The following WBP2NL variants were observed in gnomAD, a reference collection of about 807,000 sequenced individuals.
WBP2NL encodes postacrosomal sheath WW domain-binding protein.
In WBP2NL, 27 loss-of-function variants were observed where a neutral mutation model predicts 23.3. That is an observed-to-expected ratio of 1.16 (90% CI 0.85 to 1.60). The LOEUF (loss-of-function observed/expected upper bound fraction) is 1.60, where lower values mean the gene tolerates loss of function less well. Among genes scored for constraint, WBP2NL ranks in the 40% most tolerant of loss-of-function variants. WBP2NL has a pLI of 0.00. For synonymous variants in WBP2NL, 151 were observed against 145.9 expected (o/e 1.03, Z -0.25); for missense variants, 370 against 389.5 (o/e 0.95, Z 0.42).
chr22:42,037,128 T>TGTGTG (rs1026236989), downstream of WBP2NL, among the ~76,000 whole-genome samples: 3 of 148,090 alleles, frequency 2.0e-5, no homozygotes, highest in Non-Finnish European at 4.5e-5. Flanking sequence ...CAGATTTCAT[T>TGTGTG]TGTGTGTGTG....
chr22:42,013,553 G>A (rs2146774682), intron 1 of WBP2NL, among the ~76,000 whole-genome samples: 1 of 152,204 alleles, frequency 6.6e-6, no homozygotes, highest in East Asian at 1.9e-4. Flanking sequence ...TATTCTACTT[G>A]GAGTTTGTTG....
intron 1 of WBP2NL, among the ~76,000 whole-genome samples, chr22:42,004,689 C>T (rs775190596): frequency 1.1e-4 from 17 of 151,886 alleles, no homozygotes; most frequent in Non-Finnish European, 1.9e-4. Context: ...TTTGGGAGGC[C>T]AAAGTGGGTG....
intron 1 of WBP2NL, among the ~76,000 whole-genome samples, chr22:42,016,122 C>T (rs987093585): frequency 6.6e-6 from 1 of 152,044 alleles, no homozygotes; most frequent in African/African-American, 2.4e-5. Flanking sequence ...GCTGGGATTA[C>T]AGACACATGC....
At chr22:42,040,380 G>A (rs1004181105) in intron 8 of WBP2NL, among the ~76,000 whole-genome samples, 3 of 151,906 alleles carry the variant, frequency 2.0e-5, no homozygotes, top group South Asian at 2.1e-4. Context: ...CTGCCACCAC[G>A]CCTGGCTAAT....
chr22:42,047,394 A>C (rs1286857867), intron 8 of WBP2NL, among the ~76,000 whole-genome samples: 2 of 151,478 alleles, frequency 1.3e-5, no homozygotes, highest in Non-Finnish European at 2.9e-5. Context: ...CCTCGAGACC[A>C]GCCTGGCCAA....
chr22:42,022,160 T>C, intron 4 of WBP2NL, 89 bp from the exon 5 acceptor site: 1 of 1,070,938 alleles, frequency 9.3e-7, no homozygotes, highest in Non-Finnish European at 1.4e-6. Flanking sequence ...AAGGTGGTGA[T>C]TAAATACTCT....
At chr22:42,017,486 G>A (rs1024268677) in intron 1 of WBP2NL, among the ~76,000 whole-genome samples, 3 of 152,014 alleles carry the variant, frequency 2.0e-5, no homozygotes, top group South Asian at 2.1e-4. Context: ...CAACTAAAAC[G>A]AATCTCTTCT....
intron 1 of WBP2NL, among the ~76,000 whole-genome samples, chr22:41,999,149 C>T (rs1399368365): frequency 1.3e-5 from 2 of 151,656 alleles, no homozygotes; most frequent in African/African-American, 2.4e-5. Flanking sequence ...ACGCATGTCT[C>T]CTCAGGGCGG....
At chr22:42,002,524 G>A (rs546725279) in intron 1 of WBP2NL, 1 of 152,300 alleles carries the variant, frequency 6.6e-6, no homozygotes, top group East Asian at 1.9e-4. Flanking sequence ...GCAGAGGGGA[G>A]GTTGTAGTGA....
intron 8 of WBP2NL, among the ~76,000 whole-genome samples, chr22:42,044,993 T>C (rs1925530778): frequency 6.6e-6 from 1 of 151,836 alleles, no homozygotes; most frequent in Non-Finnish European, 1.5e-5. Context: ...TTTTCTTTAT[T>C]TATTTTTTAT....
intron 8 of WBP2NL, among the ~76,000 whole-genome samples, chr22:42,052,529 C>G (rs1925874180): frequency 6.6e-6 from 1 of 152,204 alleles, no homozygotes; most frequent in Non-Finnish European, 1.5e-5. Context: ...ATCCACCCAC[C>G]TTGGCCTCCC....
rs1351783386 is a variant in WBP2NL, at chr22:42,027,081, C to A, written c.830C>A (p.Pro277His). 1.2e-6 allele frequency: 2 copies of A among 1,614,050 alleles called. No homozygotes were observed. The highest frequency in any genetic ancestry group is 1.3e-5 in the African/African-American group (1 of 74,956). ...CCGCCTGCGGGATACAGAGCCTCAC[C>A]TGCTGGATCAGGAGCCAGGCCTCAG... ...EGPPAGYRAS[P>H]AGSGARPQES... Residue 277 changes from proline to histidine, a missense_variant, in exon 6 of 6, where the codon CCT becomes CAT. Transcript: ENST00000328823.
rs200314971 is a variant in WBP2NL, at chr22:42,040,776, A to G, written c.*273+9953A>G. ...TTCCACTGTGGCCTAAGAAGATACC[A>G]GGTATTATTTCAATCTTCTTAAATT... On this transcript the variant is annotated intron_variant and NMD_transcript_variant, in intron 8 of 8. Coordinates refer to the WBP2NL transcript ENST00000436265. Among the ~76,000 whole-genome samples, 6 of 152,204 alleles carry G rather than the reference A, an allele frequency of 3.9e-5. No individual in the cohort carries two copies. In the East Asian group the frequency reaches 1.2e-3, roughly 29 times the overall value.
At chr22:41,999,645 A>T (rs1302248510) in intron 1 of WBP2NL, among the ~76,000 whole-genome samples, 1 of 152,184 alleles carries the variant, frequency 6.6e-6, no homozygotes, top group African/African-American at 2.4e-5. Context: ...GTGTGCACCC[A>T]TAATCCCAGC....
chr22:41,999,891 T>C (rs1921429154), intron 1 of WBP2NL, among the ~76,000 whole-genome samples: 1 of 152,188 alleles, frequency 6.6e-6, no homozygotes, highest in South Asian at 2.1e-4. Flanking sequence ...CTGAGCTCTC[T>C]ACTGGAGCAG....
intron 1 of WBP2NL, among the ~76,000 whole-genome samples, chr22:42,004,587 T>G (rs964007207): frequency 9.9e-5 from 15 of 151,628 alleles, no homozygotes; most frequent in African/African-American, 3.6e-4. Flanking sequence ...GGTGACAGAG[T>G]GAGACCCTGT....
intron 5 of WBP2NL, among the ~76,000 whole-genome samples, chr22:42,026,120 A>G (rs999619637): frequency 1.3e-5 from 2 of 151,774 alleles, no homozygotes; most frequent in Non-Finnish European, 2.9e-5. Flanking sequence ...AAATACAAAA[A>G]AATTAGCTGG....
chr22:42,038,085 A>C (rs2146814145), intron 8 of WBP2NL, among the ~76,000 whole-genome samples: 1 of 152,270 alleles, frequency 6.6e-6, no homozygotes, highest in Non-Finnish European at 1.5e-5. Context: ...TCAGTCTTTC[A>C]CCATTGAGTG....
At chr22:42,044,071 C>A (rs1417466216) in intron 8 of WBP2NL, among the ~76,000 whole-genome samples, 1 of 152,130 alleles carries the variant, frequency 6.6e-6, no homozygotes, top group East Asian at 1.9e-4. Flanking sequence ...AGATTTCCTT[C>A]TCTGTTGCCT....
Sources: allele counts gnomAD v4.1 joint callset (sites outside exome capture counted in the v4.1 genomes callset), GRCh38; gene constraint gnomAD v4.1.1; transcripts MANE v1.5; gene names NCBI Gene and HGNC (gene_info 2026-07-23, HGNC 2026-07-21).